Variants in PCDHGA6 observed in about 807,000 individuals in gnomAD.
PCDHGA6 encodes the protein protocadherin gamma-A6.
PCDHGA6 carries 41 observed loss-of-function variants against 60.6 expected under a neutral mutation model. The observed-to-expected ratio is 0.68, with a 90% CI of 0.53 to 0.88. The LOEUF is 0.88. Among genes scored for constraint, PCDHGA6 ranks in the 40% least tolerant of loss-of-function variants. The pLI is 0.00. For missense variants in PCDHGA6, 1,312 were observed against 1,203.0 expected, an observed-to-expected ratio of 1.09 and a Z score of -1.34; for synonymous variants, 594 against 524.4, an observed-to-expected ratio of 1.13 and a Z score of -1.81.
chr5:141,430,997 C>G, intron 1 of PCDHGA6: 1 of 1,613,926 alleles, frequency 6.2e-7, no homozygotes. Context: ...CCTGAATCCG[C>G]GCAGCGGCAG....
chr5:141,413,371 C>T lies in PCDHGA6; in HGVS notation c.2424+36864C>T, dbSNP rs752898022. 3.7e-6 allele frequency: 6 copies of T among 1,613,966 alleles called. No individual in the cohort carries two copies. In the Admixed American group the frequency reaches 8.3e-5, roughly 22 times the overall value. On this transcript the variant is annotated intron_variant, in intron 1 of 3. Coordinates refer to ENST00000517434, the MANE Select transcript of PCDHGA6 (RefSeq NM_018919.3). ...TCTGGCGCCCCGGGAGCTGGCGGAG[C>T]GCGGAGTCCGCATAGTCTCCAGAGG...
chr5:141,397,223 TATG>T lies in PCDHGA6; in HGVS notation c.2424+20718_2424+20720del, dbSNP rs543267212. ...ATGACATAAGAGAAGTATTTTGAGA[TATG>T]AAGAAGAGCAACGTAGTAGGGTATA... is the stretch of plus-strand genomic sequence containing the variant. On this transcript the variant is annotated intron_variant, in intron 1 of 3. Coordinates refer to ENST00000517434, the MANE Select transcript of PCDHGA6 (RefSeq NM_018919.3). Among the ~76,000 whole-genome samples, 432 of 152,304 alleles carry T rather than the reference TATG, an allele frequency of 2.8e-3. 2 individuals carry two copies. Among genetic ancestry groups the T allele is most frequent in the Admixed American group, 9.4e-3 (144 of 15,310 alleles).
intron 2 of PCDHGA6, among the ~76,000 whole-genome samples, chr5:141,498,004 G>C (rs1385457484): frequency 6.6e-6 from 1 of 152,316 alleles, no homozygotes; most frequent in African/African-American, 2.4e-5. Flanking sequence ...GGAGTTTACA[G>C]TGCACTGAAG....
chr5:141,485,383 G>C lies in PCDHGA6; in HGVS notation c.2425-9424G>C. 6.2e-7 allele frequency: 1 copy of C among 1,614,128 alleles called. No individual in the cohort carries two copies. Among genetic ancestry groups the C allele is most frequent in the Non-Finnish European group, 8.5e-7 (1 of 1,180,020 alleles). On this transcript the variant is annotated intron_variant, in intron 1 of 3. Coordinates refer to ENST00000517434, the MANE Select transcript of PCDHGA6 (RefSeq NM_018919.3). The surrounding 1 kb of genome is among the most constrained non-coding windows in gnomAD (Gnocchi z 5.7). Reference sequence around the variant, plus strand: ...GCAGGCTGCAGGTCGCTGGAGAGGTGAACCAAAGACACTTCCGTGTGGATT... The same window carrying C: ...GCAGGCTGCAGGTCGCTGGAGAGGTCAACCAAAGACACTTCCGTGTGGATT...
Position 141,375,503 on chromosome 5 carries a change from G to A in PCDHGA6, c.1420G>A (p.Val474Met). 1.5e-5 allele frequency: 24 copies of A among 1,613,982 alleles called. 1 individual carries two copies. The highest frequency in any genetic ancestry group is 2.0e-5 in the Non-Finnish European group (24 of 1,179,940). The change falls in exon 1 of 4, where the codon GTG (valine) becomes ATG (methionine). Residue 474 changes from valine to methionine, a missense_variant. Transcript: ENST00000517434. Reference protein sequence around the residue: ...NNPRGASIFSVNALDPDVDQN... With the variant: ...NNPRGASIFSMNALDPDVDQN... ...CCCCAGGGGTGCCTCCATCTTCTCT[G>A]TGAATGCACTGGACCCTGACGTGGA...
chr5:141,430,919 C>T, intron 1 of PCDHGA6: 1 of 1,607,610 alleles, frequency 6.2e-7, no homozygotes, highest in Non-Finnish European at 8.5e-7. Context: ...GGACCTGGGG[C>T]TGGAGCCCCG....
At position 141,511,648 on chromosome 5, in the gene PCDHGA6, G is replaced by T. The variant is rs553080689; in HGVS notation, c.*475G>T. The T allele has an allele frequency of 1.4e-5, 3 of 214,700 alleles. No homozygotes were observed. Among genetic ancestry groups the T allele is most frequent in the East Asian group, 2.1e-4 (2 of 9,414 alleles). The allele number at this position is 214,700 out of a possible 1,614,324, so 13.3% of individuals were successfully genotyped here. A position where few individuals can be genotyped will look rare whatever the true frequency, so the allele number is the denominator to read the frequency against. On this transcript the variant is annotated 3_prime_UTR_variant, in exon 4 of 4. Coordinates refer to ENST00000517434, the MANE Select transcript of PCDHGA6 (RefSeq NM_018919.3). ...AGTTGGAAGGGCATCATGACCTCTTGGCCTCTCCTTTGATTCTCAATCTTC... is the reference window on the plus strand; with the variant it reads ...AGTTGGAAGGGCATCATGACCTCTTTGCCTCTCCTTTGATTCTCAATCTTC...
Position 141,395,191 on chromosome 5 carries a change from C to T in PCDHGA6, c.2424+18684C>T, listed in dbSNP as rs781685191. ...TGTGAGAAAAATGATTCTTTGTTAA[C>T]ATCCGTAGATTTTCATGAATATAAG... is the stretch of plus-strand genomic sequence containing the variant. On this transcript the variant is annotated intron_variant, in intron 1 of 3. Transcript: ENST00000517434. 8 of 1,614,074 alleles carry T rather than the reference C, an allele frequency of 5.0e-6. 1 individual carries two copies. The South Asian group carries it at 7.7e-5, about 16-fold the overall frequency.
intron 1 of PCDHGA6, among the ~76,000 whole-genome samples, chr5:141,460,120 A>C (rs1404213559): frequency 1.3e-5 from 2 of 151,956 alleles, no homozygotes; most frequent in Non-Finnish European, 2.9e-5. Flanking sequence ...ATTTTTATAT[A>C]TGTAATATAT....
At position 141,476,675 on chromosome 5, in the gene PCDHGA6, C is replaced by T. The variant is rs2099395961; in HGVS notation, c.2425-18132C>T. On this transcript the variant is annotated intron_variant, in intron 1 of 3. Transcript: ENST00000517434. The surrounding 1 kb of genome is among the most constrained non-coding windows in gnomAD (Gnocchi z 7.6). ...ATACTTTGCGCTTCGCGTGCAGACG[C>T]GGGAGGACAGCACCAAGTACGCGGA... 1.2e-6 allele frequency: 2 copies of T among 1,614,124 alleles called. No homozygotes were observed. The highest frequency in any genetic ancestry group is 8.5e-7 in the Non-Finnish European group (1 of 1,180,062).
Position 141,511,176 on chromosome 5 carries a change from T to C in PCDHGA6, c.*3T>C, listed in dbSNP as rs375508988. On this transcript the variant is annotated 3_prime_UTR_variant, in exon 4 of 4. Transcript: ENST00000517434. ...CGGGCAAGAAGGAGAAGAAGTAACA[T>C]GGAGGCCAGGCCAAGAGCCACAGGG... 198 of 1,614,046 alleles carry C rather than the reference T, an allele frequency of 1.2e-4. 1 individual carries two copies. The highest frequency in any genetic ancestry group is 6.5e-5 in the Non-Finnish European group (77 of 1,179,964).
rs745638360 is a variant in PCDHGA6, at chr5:141,410,529, A to G, written c.2424+34022A>G. Reference sequence around the variant, plus strand: ...AAATGCAGTGTGCCCCTACATTCCAATGAAGACATGGTTTGCAGTGTTTCT... The same window carrying G: ...AAATGCAGTGTGCCCCTACATTCCAGTGAAGACATGGTTTGCAGTGTTTCT... On this transcript the variant is annotated intron_variant, in intron 1 of 3. Transcript: ENST00000517434. The G allele has an allele frequency of 3.1e-6, 5 of 1,613,804 alleles. No individual in the cohort carries two copies. The Admixed American group carries it at 5.0e-5, about 16-fold the overall frequency.
chr5:141,426,802 C>G (rs2096961440), intron 1 of PCDHGA6: 1 of 456,696 alleles, frequency 2.2e-6, no homozygotes, highest in South Asian at 1.5e-5. Flanking sequence ...CAGCTCAGTT[C>G]TAATGAACAT....
At chr5:141,460,438 T>A (rs1035541143) in intron 1 of PCDHGA6, among the ~76,000 whole-genome samples, 16 of 152,172 alleles carry the variant, frequency 1.1e-4, no homozygotes, top group African/African-American at 3.1e-4. Flanking sequence ...TGGTGTGAGG[T>A]AACAATGAAG....
At chr5:141,396,060 G>A (rs1309175410) in intron 1 of PCDHGA6, 1 of 152,318 alleles carries the variant, frequency 6.6e-6, no homozygotes, top group East Asian at 1.9e-4. Flanking sequence ...CCAATTAGCT[G>A]TTTCGGTTGT....
At chr5:141,407,875 A>G (rs957717882) in intron 1 of PCDHGA6, 8 of 361,396 alleles carry the variant, frequency 2.2e-5, no homozygotes, top group African/African-American at 8.4e-5. Context: ...AAGAATATAT[A>G]CATTTCGGAG....
intron 1 of PCDHGA6, chr5:141,399,539 G>A (rs1324095299): frequency 1.2e-6 from 2 of 1,614,050 alleles, no homozygotes; most frequent in Non-Finnish European, 1.7e-6. Flanking sequence ...GCGCAAGTCT[G>A]CGCCTCGGAC....
chr5:141,486,105 A>C lies in PCDHGA6; in HGVS notation c.2425-8702A>C. The stretch of plus-strand genomic sequence containing the variant: ...ACTCTTTTGGGGCCCCTAGACTTTG[A>C]GAGTGAGAATTACTATGAATTTGAT... On this transcript the variant is annotated intron_variant, in intron 1 of 3. Transcript: ENST00000517434. This position sits in a 1 kb window ranked among gnomAD's most constrained non-coding sequence, Gnocchi z 5.0. The C allele has an allele frequency of 1.2e-6, 2 of 1,614,138 alleles. No individual in the cohort carries two copies. The highest frequency in any genetic ancestry group is 1.7e-6 in the Non-Finnish European group (2 of 1,180,016).
intron 1 of PCDHGA6, chr5:141,388,489 G>A: frequency 6.2e-7 from 1 of 1,613,844 alleles, no homozygotes; most frequent in Non-Finnish European, 8.5e-7. Context: ...CCTTTGGACA[G>A]AGAAAAGCAG....
Sources: allele counts gnomAD v4.1 joint callset (sites outside exome capture counted in the v4.1 genomes callset), GRCh38; gene constraint gnomAD v4.1.1; non-coding constraint Gnocchi (gnomAD v3.1); transcripts MANE v1.5; gene names NCBI Gene and HGNC (gene_info 2026-07-23, HGNC 2026-07-21).